Variants in KNOP1 observed in about 807,000 individuals in gnomAD.
KNOP1 encodes the protein lysine-rich nucleolar protein 1.
Under a neutral mutation model 30.6 loss-of-function variants are expected in KNOP1, and 20 were observed. The ratio of observed to expected loss-of-function variants is 0.65; its 90% CI spans 0.46 to 0.95. The LOEUF (loss-of-function observed/expected upper bound fraction) is 0.95. Ranked by LOEUF, KNOP1 falls within the 40% of genes least tolerant of loss-of-function variation. The pLI is 0.00. For synonymous variants in KNOP1, 204 were observed against 210.0 expected, an observed-to-expected ratio of 0.97 and a Z score of 0.25; for missense variants, 540 against 562.0, an observed-to-expected ratio of 0.96 and a Z score of 0.40.
At chr16:19,716,916 C>T (rs576172785) in intron 1 of KNOP1, among the ~76,000 whole-genome samples, 1 of 152,222 alleles carries the variant, frequency 6.6e-6, no homozygotes, top group African/African-American at 2.4e-5. Context: ...CATCTCGGCT[C>T]ACTGCAACCT....
At chr16:19,708,922 C>G (rs1022546683) in intron 4 of KNOP1, among the ~76,000 whole-genome samples, 6 of 152,330 alleles carry the variant, frequency 3.9e-5, no homozygotes, top group Admixed American at 2.6e-4. Flanking sequence ...CAGAGGACCA[C>G]TTCACCACGT....
chr16:19,707,192 A>G lies in KNOP1; in HGVS notation c.1095T>C (p.Ala365=). ...GTTTTTGGTCCTCGTTCTCAAAACC[A>G]GCAGTATCCCACTGGCCAAACTGGG... ...TGTQFGQWDT[A]GFENEDQKLK... is the part of the protein sequence containing the mutation. The change falls in exon 5 of 5, where the codon GCT becomes GCC. Residue 365 remains alanine (A), a synonymous_variant. Transcript: ENST00000219837. 6.2e-7 allele frequency: 1 copy of G among 1,613,632 alleles called. No individual in the cohort carries two copies. The highest frequency in any genetic ancestry group is 8.5e-7 in the Non-Finnish European group (1 of 1,180,000).
intron 1 of KNOP1, 153 bp downstream of exon 1, chr16:19,718,005 C>T: frequency 7.5e-7 from 1 of 1,328,692 alleles, no homozygotes; most frequent in Non-Finnish European, 9.6e-7. Context: ...CTGGAGGCGG[C>T]GGCCTCAGGC....
rs1166483144 is a variant in KNOP1, at chr16:19,705,147, C to A, written c.*1763G>T. The A allele has an allele frequency of 2.2e-6, 1 of 455,958 alleles. No homozygotes were observed. The allele number at this position is 455,958 out of a possible 1,614,324, so 28.2% of individuals were successfully genotyped here. A position where few individuals can be genotyped will look rare whatever the true frequency, so the allele number is the denominator to read the frequency against. On this transcript the variant is annotated 3_prime_UTR_variant, in exon 5 of 5. Transcript: ENST00000219837. ...GATATGCTGCCTGGAACTGTTACTG[C>A]CATCTTTGTACTAGCCTTGATGAAG...
At chr16:19,707,764 GCA>G (rs1976474484) in intron 4 of KNOP1, among the ~76,000 whole-genome samples, 1 of 103,044 alleles carries the variant, frequency 9.7e-6, no homozygotes, top group Non-Finnish European at 1.9e-5. Context: ...CCTACACGGC[GCA>G]CATGGCGCAC....
At chr16:19,711,174 G>A (rs892004162) in intron 3 of KNOP1, among the ~76,000 whole-genome samples, 198 bp downstream of exon 3, 9 of 152,250 alleles carry the variant, frequency 5.9e-5, no homozygotes, top group East Asian at 1.9e-4. Context: ...CACGGCAGCC[G>A]GAAGGGCCCC....
Position 19,705,332 on chromosome 16 carries a change from A to C in KNOP1, c.*1578T>G. ...ATGTTCAGGCCAAACGATCGTGAAAATGTCCCAGTCAGAACCTGTATTTTG... is the reference window on the plus strand; with the variant it reads ...ATGTTCAGGCCAAACGATCGTGAAACTGTCCCAGTCAGAACCTGTATTTTG... On this transcript the variant is annotated 3_prime_UTR_variant, in exon 5 of 5. Coordinates refer to ENST00000219837, the MANE Select transcript of KNOP1 (RefSeq NM_001012991.3). The C allele has an allele frequency of 2.2e-6, 1 of 449,390 alleles. No homozygotes were observed. 27.8% of individuals were successfully genotyped at this position (449,390 alleles called of 1,614,324 possible).
chr16:19,706,711 T>C lies in KNOP1; in HGVS notation c.*199A>G. 2 of 625,346 alleles carry C rather than the reference T, an allele frequency of 3.2e-6. No homozygotes were observed. Among genetic ancestry groups the C allele is most frequent in the South Asian group, 2.0e-5 (1 of 51,140 alleles). 38.7% of individuals were successfully genotyped at this position (625,346 alleles called of 1,614,324 possible). On this transcript the variant is annotated 3_prime_UTR_variant, in exon 5 of 5. Coordinates refer to ENST00000219837, the MANE Select transcript of KNOP1 (RefSeq NM_001012991.3). ...CAATGTGAGCCAACTGTCAGATGGC[T>C]TTCATTTGCACAACTGAATAAACCA...
At chr16:19,712,368 C>T (rs948918025) in intron 2 of KNOP1, among the ~76,000 whole-genome samples, 1 of 152,160 alleles carries the variant, frequency 6.6e-6, no homozygotes, top group African/African-American at 2.4e-5. Context: ...AATGGGTGGT[C>T]CAAGGTCACC....
Position 19,706,872 on chromosome 16 carries a change from G to C in KNOP1, c.*38C>G, listed in dbSNP as rs771571394. ...CTCCAGCATAAATGGAATAATCAAA[G>C]CAATTGTGGCAGTTTTGGGGGGACA... is the stretch of plus-strand genomic sequence containing the variant. On this transcript the variant is annotated 3_prime_UTR_variant, in exon 5 of 5. Coordinates refer to ENST00000219837, the MANE Select transcript of KNOP1 (RefSeq NM_001012991.3). 99 of 1,590,204 alleles carry C rather than the reference G, an allele frequency of 6.2e-5. No homozygotes were observed. Among genetic ancestry groups the C allele is most frequent in the African/African-American group, 1.2e-4 (9 of 73,552 alleles).
chr16:19,708,447 T>C (rs1976535370), intron 4 of KNOP1, among the ~76,000 whole-genome samples: 1 of 148,114 alleles, frequency 6.8e-6, no homozygotes, highest in African/African-American at 2.5e-5. Flanking sequence ...CCCTAACCTC[T>C]CTAAGCCTTG....
intron 2 of KNOP1, among the ~76,000 whole-genome samples, chr16:19,712,343 C>G (rs755792023): frequency 6.6e-6 from 1 of 152,206 alleles, no homozygotes; most frequent in Non-Finnish European, 1.5e-5. Context: ...CACTCCCCTC[C>G]CCCTCTAACC....
rs373473505 is a variant in KNOP1 at position 19,714,490 on chromosome 16, G to A, written c.546C>T (p.Asp182=). The change falls in exon 2 of 5, where the codon GAC becomes GAT. Residue 182 remains aspartate (D), a synonymous_variant. Coordinates refer to ENST00000219837, the MANE Select transcript of KNOP1 (RefSeq NM_001012991.3). ...CEAREARDVG[D]TCSVGKKDEE... is the part of the protein sequence containing the mutation. ...CATCCTTCTTCCCCACTGAGCAAGT[G>A]TCCCCAACATCCCTGGCCTCCCTGG... 7 of 1,613,758 alleles carry A rather than the reference G, an allele frequency of 4.3e-6. No individual in the cohort carries two copies. The highest frequency in any genetic ancestry group is 2.2e-5 in the East Asian group (1 of 44,870).
intron 1 of KNOP1, chr16:19,717,245 G>A (rs1977182802): frequency 1.1e-6 from 1 of 905,490 alleles, no homozygotes. Flanking sequence ...ATCCACTGGG[G>A]GTTTAGGAAC....
rs1976291664 is a variant in KNOP1, at chr16:19,704,686, G to A, written c.*2224C>T. 1.3e-5 allele frequency: 2 copies of A among 154,024 alleles called. No homozygotes were observed. Among genetic ancestry groups the A allele is most frequent in the African/African-American group, 2.4e-5 (1 of 41,472 alleles). 9.5% of individuals were successfully genotyped at this position (154,024 alleles called of 1,614,324 possible). On this transcript the variant is annotated 3_prime_UTR_variant, in exon 5 of 5. Coordinates refer to ENST00000219837, the MANE Select transcript of KNOP1 (RefSeq NM_001012991.3). The stretch of plus-strand genomic sequence containing the variant: ...GGGATTTGTTTCTCCATCAAAGGAG[G>A]AGGTGCCCAGAAGGCACTCACTCAA...
intron 4 of KNOP1, among the ~76,000 whole-genome samples, chr16:19,709,851 C>T (rs572586987): frequency 1.3e-5 from 2 of 152,304 alleles, no homozygotes; most frequent in South Asian, 4.1e-4. Flanking sequence ...AACTGATCTT[C>T]CTTTCCTTGT....
In KNOP1 at chr16:19,705,638, G is replaced by C. The variant is rs1161857706; in HGVS notation, c.*1272C>G. On this transcript the variant is annotated 3_prime_UTR_variant, in exon 5 of 5. Transcript: ENST00000219837. ...GCTGGGCACAGTGGCTCACACCTGT[G>C]ATCCCAGCTCTTGGGGGCTGAGGCA... 4.6e-6 allele frequency: 1 copy of C among 218,700 alleles called. No individual in the cohort carries two copies. The highest frequency in any genetic ancestry group is 9.2e-6 in the Non-Finnish European group (1 of 109,240). The allele number at this position is 218,700 out of a possible 1,614,324, so 13.5% of individuals were successfully genotyped here. A position where few individuals can be genotyped will look rare whatever the true frequency, so the allele number is the denominator to read the frequency against.
At position 19,705,404 on chromosome 16, in the gene KNOP1, C is replaced by CA. The variant is rs1219142272; in HGVS notation, c.*1505dup. On this transcript the variant is annotated 3_prime_UTR_variant, in exon 5 of 5. Transcript: ENST00000219837. ...TGGAAAGAAGGTGGTCACAGATGGT[C>CA]ACATGCGACTTGGGCCACTGGACCT... The CA allele has an allele frequency of 1.0e-5, 4 of 381,546 alleles. No homozygotes were observed. The highest frequency in any genetic ancestry group is 8.4e-5 in the African/African-American group (4 of 47,778). The allele number at this position is 381,546 out of a possible 1,614,324, so 23.6% of individuals were successfully genotyped here.
intron 3 of KNOP1, 39 bp downstream of exon 3, chr16:19,711,333 G>T: frequency 1.2e-6 from 2 of 1,600,500 alleles, no homozygotes; most frequent in Non-Finnish European, 1.7e-6. Flanking sequence ...AGGGTGGCAG[G>T]AGGCAGCGGG....
Sources: allele counts gnomAD v4.1 joint callset (sites outside exome capture counted in the v4.1 genomes callset), GRCh38; gene constraint gnomAD v4.1.1; transcripts MANE v1.5; gene names NCBI Gene and HGNC (gene_info 2026-07-23, HGNC 2026-07-21).